STX8: variants seen among roughly 807,000 people sequenced by gnomAD.
STX8 encodes the protein syntaxin 8, also known as syntaxin-8.
STX8 carries 23 observed loss-of-function variants against 37.5 expected under a neutral mutation model. The observed-to-expected ratio is 0.61, with a 90% CI of 0.44 to 0.87. The LOEUF is 0.87. Ranked by LOEUF, STX8 falls within the 40% of genes least tolerant of loss-of-function variation. The pLI is 0.00. For missense variants in STX8, 313 were observed against 284.7 expected (o/e 1.10, Z -0.71); for synonymous variants, 115 against 99.1 (o/e 1.16, Z -0.95).
intron 7 of STX8, among the ~76,000 whole-genome samples, chr17:9,332,461 C>T (rs1253689463): frequency 6.6e-6 from 1 of 152,174 alleles, no homozygotes; most frequent in Non-Finnish European, 1.5e-5. Context: ...ACAAAAATAG[C>T]GGCTTTCTTC....
At chr17:9,267,109 G>T (rs1400554701) in intron 7 of STX8, among the ~76,000 whole-genome samples, 1 of 152,164 alleles carries the variant, frequency 6.6e-6, no homozygotes, top group Non-Finnish European at 1.5e-5. Context: ...TGAGTTCAGG[G>T]TTTCCCTCTT....
At chr17:9,465,458 A>G (rs963876044) in intron 6 of STX8, among the ~76,000 whole-genome samples, 9 of 152,104 alleles carry the variant, frequency 5.9e-5, no homozygotes, top group Admixed American at 6.5e-5. Context: ...GTGAACCCTG[A>G]CTAGCCAATC....
intron 6 of STX8, among the ~76,000 whole-genome samples, chr17:9,449,640 C>T (rs1027618439): frequency 2.0e-5 from 3 of 152,176 alleles, no homozygotes; most frequent in Admixed American, 1.3e-4. Context: ...GCACAAACTA[C>T]GGATGTATGC....
chr17:9,526,892 G>A (rs957248862), intron 4 of STX8, among the ~76,000 whole-genome samples: 3 of 151,296 alleles, frequency 2.0e-5, no homozygotes, highest in South Asian at 2.1e-4. Context: ...AAAAAGTAAC[G>A]TAATGAGGCC....
At chr17:9,567,119 T>C (rs191081548) in intron 2 of STX8, among the ~76,000 whole-genome samples, 3 of 152,182 alleles carry the variant, frequency 2.0e-5, no homozygotes, top group African/African-American at 4.8e-5. Context: ...TATGGATACA[T>C]AGGGGGACAT....
At chr17:9,499,470 C>T (rs1280965149) in intron 5 of STX8, among the ~76,000 whole-genome samples, 2 of 152,200 alleles carry the variant, frequency 1.3e-5, no homozygotes, top group Non-Finnish European at 2.9e-5. Context: ...ACAATCTCGG[C>T]TCACTGCAAC....
intron 7 of STX8, among the ~76,000 whole-genome samples, chr17:9,281,256 TGG>T (rs1907870099): frequency 6.6e-6 from 1 of 152,070 alleles, no homozygotes; most frequent in African/African-American, 2.4e-5. Flanking sequence ...AGCAGTGTTG[TGG>T]ATTTCATAGA....
At chr17:9,575,746 T>C in intron 1 of STX8, 46 bp downstream of exon 1, 1 of 1,543,908 alleles carries the variant, frequency 6.5e-7, no homozygotes, top group Non-Finnish European at 8.7e-7. Flanking sequence ...AAGCCCGGCC[T>C]CCCCGAAGGT....
chr17:9,360,850 G>A (rs72816138), intron 7 of STX8, among the ~76,000 whole-genome samples: 3,461 of 152,154 alleles, frequency 0.023, 62 homozygotes, highest in Non-Finnish European at 0.034. Context: ...CTGAGTCACG[G>A]CTGAGCACCC....
At chr17:9,469,690 T>C (rs999477822) in intron 6 of STX8, 1 of 152,196 alleles carries the variant, frequency 6.6e-6, no homozygotes, top group Non-Finnish European at 1.5e-5. Context: ...AAATGGCTAC[T>C]CTTGGGCTCT....
intron 2 of STX8, among the ~76,000 whole-genome samples, chr17:9,558,695 C>A (rs916553724): frequency 2.0e-5 from 3 of 152,092 alleles, no homozygotes; most frequent in Non-Finnish European, 4.4e-5. Flanking sequence ...CGGTGGCGGG[C>A]GCCTGTAGTC....
chr17:9,530,954 T>A (rs191160238), intron 4 of STX8, among the ~76,000 whole-genome samples: 332 of 152,370 alleles, frequency 2.2e-3, no homozygotes, highest in African/African-American at 7.5e-3. Flanking sequence ...ACCCTTCACA[T>A]TTAGATCTAT....
intron 6 of STX8, among the ~76,000 whole-genome samples, chr17:9,479,129 C>A (rs998082889): frequency 2.0e-5 from 3 of 152,282 alleles, no homozygotes; most frequent in Admixed American, 6.5e-5. Flanking sequence ...TGGATAAACA[C>A]CCCCTTGCCA....
At position 9,271,548 on chromosome 17, in the gene STX8, G is replaced by A. The variant is rs191420378; in HGVS notation, c.644-20903C>T. Among the ~76,000 whole-genome samples, 152 of 152,174 alleles carry A rather than the reference G, an allele frequency of 1.0e-3. No individual in the cohort carries two copies. The Middle Eastern group carries it at 0.02, about 20-fold the overall frequency. ...GGGTGGATCACGAAGTCAAGAGATC[G>A]AGACCATCCTGGCCAACAGGGTGAA... is the stretch of plus-strand genomic sequence containing the variant. On this transcript the variant is annotated intron_variant, in intron 7 of 7. Transcript: ENST00000306357.
intron 6 of STX8, among the ~76,000 whole-genome samples, chr17:9,490,715 C>T (rs1597704777): frequency 6.6e-6 from 1 of 152,286 alleles, no homozygotes; most frequent in Non-Finnish European, 1.5e-5. Context: ...AAAGCTGAAA[C>T]CTTAGATAGA....
At chr17:9,360,908 C>G (rs960002787) in intron 7 of STX8, among the ~76,000 whole-genome samples, 1 of 152,110 alleles carries the variant, frequency 6.6e-6, no homozygotes, top group African/African-American at 2.4e-5. Context: ...CCCAGTGAGA[C>G]CCGCGGTGCC....
chr17:9,416,646 T>G (rs1913209616), intron 6 of STX8, among the ~76,000 whole-genome samples: 1 of 151,590 alleles, frequency 6.6e-6, no homozygotes, highest in Non-Finnish European at 1.5e-5. Flanking sequence ...GGATTACAGA[T>G]GTGAGCCACC....
chr17:9,442,023 G>T (rs1265112328), intron 6 of STX8, among the ~76,000 whole-genome samples: 1 of 151,986 alleles, frequency 6.6e-6, no homozygotes, highest in African/African-American at 2.4e-5. Flanking sequence ...CCAGTTTATA[G>T]GTCTCCCCTG....
intron 7 of STX8, among the ~76,000 whole-genome samples, chr17:9,306,595 C>CAAAAA (rs71135963): frequency 1.4e-5 from 1 of 69,892 alleles, no homozygotes; most frequent in African/African-American, 4.6e-5. Flanking sequence ...ACTAAAAATA[C>CAAAAA]AAAAAAAAAA....
Sources: gnomAD v4.1 joint callset for allele counts (sites outside exome capture counted in the v4.1 genomes callset) on GRCh38, gnomAD v4.1.1 for gene constraint, MANE v1.5 for transcripts, NCBI Gene and HGNC (gene_info 2026-07-23, HGNC 2026-07-21) for gene names.